The following MARCHF1 variants were observed in gnomAD, a reference collection of about 807,000 sequenced individuals.
MARCHF1 encodes membrane associated ring-CH-type finger 1.
In MARCHF1, 40 loss-of-function variants were observed where a neutral mutation model predicts 54.2. That is an observed-to-expected ratio of 0.74 (90% CI 0.57 to 0.96). The LOEUF is 0.96. Ranked by LOEUF, MARCHF1 falls within the 40% of genes least tolerant of loss-of-function variation. The probability of loss-of-function intolerance (pLI) is 0.00; values close to 1 mark genes in which losing one functional copy is unlikely to be tolerated. For synonymous variants in MARCHF1, 236 were observed against 236.3 expected (o/e 1.00, Z 0.01); for missense variants, 586 against 656.5 (o/e 0.89, Z 1.17).
intron 1 of MARCHF1, among the ~76,000 whole-genome samples, chr4:164,159,493 A>T (rs1052427494): frequency 1.2e-4 from 19 of 152,202 alleles, no homozygotes; most frequent in Admixed American, 2.6e-4. Flanking sequence ...AACCAAAAAA[A>T]TGAATGAATT....
At chr4:163,784,400 A>C (rs1747555382) in intron 4 of MARCHF1, among the ~76,000 whole-genome samples, 1 of 152,170 alleles carries the variant, frequency 6.6e-6, no homozygotes, top group African/African-American at 2.4e-5. Flanking sequence ...AAATGGACTG[A>C]TCCTTTCATC....
At chr4:163,868,790 G>T (rs564125883) in intron 3 of MARCHF1, among the ~76,000 whole-genome samples, 2 of 151,924 alleles carry the variant, frequency 1.3e-5, no homozygotes, top group African/African-American at 4.8e-5. Context: ...TTTTTGACAC[G>T]ATAAAATAAA....
At chr4:163,959,619 A>T (rs1221793458) in intron 3 of MARCHF1, among the ~76,000 whole-genome samples, 2 of 152,086 alleles carry the variant, frequency 1.3e-5, no homozygotes, top group East Asian at 3.9e-4. Context: ...CATGCACAGA[A>T]GATTGAAACT....
chr4:163,919,536 CCTT>C (rs1318581998), intron 3 of MARCHF1, among the ~76,000 whole-genome samples: 3 of 151,480 alleles, frequency 2.0e-5, no homozygotes, highest in Non-Finnish European at 4.4e-5. Flanking sequence ...CTGTATTTCC[CCTT>C]GTTTGTGAAA....
intron 3 of MARCHF1, among the ~76,000 whole-genome samples, chr4:163,877,535 A>G (rs1750319682): frequency 6.6e-6 from 1 of 150,900 alleles, no homozygotes; most frequent in Non-Finnish European, 1.5e-5. Flanking sequence ...CCTGTCTGAA[A>G]AATCACAGAT....
At chr4:164,360,861 T>C (rs1436807633) in intron 1 of MARCHF1, among the ~76,000 whole-genome samples, 4 of 152,126 alleles carry the variant, frequency 2.6e-5, no homozygotes, top group Non-Finnish European at 5.9e-5. Context: ...CCTGAACCCA[T>C]AATTGGTAGT....
intron 3 of MARCHF1, among the ~76,000 whole-genome samples, chr4:163,905,216 A>C (rs1751038713): frequency 6.6e-6 from 1 of 152,104 alleles, no homozygotes; most frequent in Admixed American, 6.6e-5. Flanking sequence ...TTTTGAGACA[A>C]AAAGTGAAGA....
intron 1 of MARCHF1, among the ~76,000 whole-genome samples, chr4:164,254,706 G>T (rs1358889230): frequency 6.6e-6 from 1 of 151,988 alleles, no homozygotes; most frequent in Non-Finnish European, 1.5e-5. Context: ...TTCAAGGGCA[G>T]GAAGCATCCA....
chr4:164,217,570 T>G (rs953006914), intron 1 of MARCHF1, among the ~76,000 whole-genome samples: 1 of 152,194 alleles, frequency 6.6e-6, no homozygotes, highest in African/African-American at 2.4e-5. Context: ...ATAAAGGCCA[T>G]GCTCCCACAA....
At chr4:164,019,448 T>C (rs1173228474) in intron 2 of MARCHF1, among the ~76,000 whole-genome samples, 1 of 152,166 alleles carries the variant, frequency 6.6e-6, no homozygotes, top group Non-Finnish European at 1.5e-5. Flanking sequence ...ATGAGTGAGA[T>C]TCTGGGATGG....
At chr4:163,686,422 A>G (rs13117194) in intron 5 of MARCHF1, among the ~76,000 whole-genome samples, 48,855 of 148,758 alleles carry the variant, frequency 0.33, 9,204 homozygotes, top group Non-Finnish European at 0.44. Flanking sequence ...AGTTGAATGG[A>G]GGCACCAAAT....
chr4:163,890,284 T>A (rs1230711320), intron 3 of MARCHF1, among the ~76,000 whole-genome samples: 2 of 152,170 alleles, frequency 1.3e-5, no homozygotes, highest in African/African-American at 4.8e-5. Context: ...TTTCTGATGT[T>A]TTGTGCCAAA....
At chr4:163,721,161 G>A (rs1198024337) in intron 4 of MARCHF1, among the ~76,000 whole-genome samples, 10 of 152,152 alleles carry the variant, frequency 6.6e-5, no homozygotes, top group Non-Finnish European at 1.2e-4. Flanking sequence ...TACTGGCTGC[G>A]TGTTTGTCAT....
chr4:163,808,864 C>A (rs780770224), intron 4 of MARCHF1, among the ~76,000 whole-genome samples: 15 of 152,060 alleles, frequency 9.9e-5, no homozygotes, highest in Non-Finnish European at 1.9e-4. Flanking sequence ...CCACCGTGCC[C>A]GGCCTGGAAA....
intron 4 of MARCHF1, among the ~76,000 whole-genome samples, chr4:163,799,776 C>G (rs989802023): frequency 2.6e-5 from 4 of 152,040 alleles, no homozygotes; most frequent in Non-Finnish European, 5.9e-5. Flanking sequence ...AATGGCTGAA[C>G]TAATTTACAC....
At chr4:163,833,558 G>A (rs1309503255) in intron 4 of MARCHF1, among the ~76,000 whole-genome samples, 1 of 152,066 alleles carries the variant, frequency 6.6e-6, no homozygotes, top group Non-Finnish European at 1.5e-5. Flanking sequence ...GTGGGTGAAG[G>A]ATATGAACAG....
chr4:163,681,541 T>TG lies in MARCHF1; in HGVS notation c.162+19271dup, dbSNP rs71600627. Among the ~76,000 whole-genome samples, 35 of 152,302 alleles carry TG rather than the reference T, an allele frequency of 2.3e-4. 1 individual carries two copies. The East Asian group carries it at 6.0e-3, about 26-fold the overall frequency. Reference sequence around the variant, plus strand: ...ACATATAATTCAGGTAACTGAATTATGGGGGGTGGTTACCCCCATGCTGCT... The same window carrying TG: ...ACATATAATTCAGGTAACTGAATTATGGGGGGGTGGTTACCCCCATGCTGCT... On this transcript the variant is annotated intron_variant, in intron 5 of 9. Transcript: ENST00000514618.
chr4:164,309,208 G>GGCATCCTTCA (rs1734778344), intron 1 of MARCHF1, among the ~76,000 whole-genome samples: 1 of 151,424 alleles, frequency 6.6e-6, no homozygotes, highest in East Asian at 1.9e-4. Context: ...GAAAAAAAAA[G>GGCATCCTTCA]GCATTATAAC....
chr4:164,284,458 A>G (rs531745653), intron 1 of MARCHF1, among the ~76,000 whole-genome samples: 1 of 151,048 alleles, frequency 6.6e-6, no homozygotes, highest in Admixed American at 6.7e-5. Context: ...TGCCTTTATA[A>G]CATATTATGG....
Sources: gnomAD v4.1 joint callset for allele counts (sites outside exome capture counted in the v4.1 genomes callset) on GRCh38, gnomAD v4.1.1 for gene constraint, MANE v1.5 for transcripts, NCBI Gene and HGNC (gene_info 2026-07-23, HGNC 2026-07-21) for gene names.